Variants in CRTAC1 observed in about 807,000 individuals in gnomAD.
CRTAC1 encodes acidic secreted protein in cartilage.
Under a neutral mutation model 67.8 loss-of-function variants are expected in CRTAC1, and 37 were observed. The observed-to-expected ratio is 0.55, with a 90% CI of 0.42 to 0.72. CRTAC1 has a LOEUF of 0.72. Among genes scored for constraint, CRTAC1 ranks in the 30% least tolerant of loss-of-function variants. The probability of loss-of-function intolerance (pLI) is 0.00; values close to 1 mark genes in which losing one functional copy is unlikely to be tolerated. For synonymous variants in CRTAC1, 348 were observed against 371.0 expected (o/e 0.94, Z 0.71); for missense variants, 780 against 931.6 (o/e 0.84, Z 2.12).
At chr10:97,872,413 T>C (rs1164966256) in intron 14 of CRTAC1, among the ~76,000 whole-genome samples, 2 of 152,188 alleles carry the variant, frequency 1.3e-5, no homozygotes, top group African/African-American at 4.8e-5. Context: ...GATGTTGCCC[T>C]AGCTGTGACA....
intron 2 of CRTAC1, among the ~76,000 whole-genome samples, chr10:97,953,527 T>C (rs1008869629): frequency 1.3e-5 from 2 of 152,174 alleles, no homozygotes; most frequent in Non-Finnish European, 2.9e-5. Flanking sequence ...AATCCAGCCC[T>C]GACCTTGGGA....
At chr10:97,884,398 G>A in intron 11 of CRTAC1, 47 bp from the exon 12 acceptor site, 1 of 1,511,136 alleles carries the variant, frequency 6.6e-7, no homozygotes, top group Non-Finnish European at 9.0e-7. Flanking sequence ...AGAGCAGGAG[G>A]CTCTCAGCGG....
chr10:97,950,246 CAGAGAGAGAGAGAGAG>C lies in CRTAC1; in HGVS notation c.225-13896_225-13881del, dbSNP rs71007371. ...TTGCATGTACGTGCACACACACACA[CAGAGAGAGAGAGAGAG>C]AGAGAGAGAGAGAGAGAGAGAGAGA... is the stretch of plus-strand genomic sequence containing the variant. On this transcript the variant is annotated intron_variant, in intron 2 of 14. Transcript: ENST00000370597. Among the ~76,000 whole-genome samples the C allele has an allele frequency of 1.2e-4, 14 of 113,422 alleles. No individual in the cohort carries two copies. In the South Asian group the frequency reaches 2.6e-3, roughly 21 times the overall value. 74.4% of individuals were successfully genotyped at this position (113,422 alleles called of 152,430 possible).
chr10:97,958,194 C>G (rs768762509), intron 2 of CRTAC1, among the ~76,000 whole-genome samples: 1 of 152,140 alleles, frequency 6.6e-6, no homozygotes, highest in Non-Finnish European at 1.5e-5. Flanking sequence ...CTGGCTCCCT[C>G]AGCCCCAGGG....
chr10:97,929,135 AGCTTACT>A (rs1290224383), intron 3 of CRTAC1, among the ~76,000 whole-genome samples: 1 of 151,898 alleles, frequency 6.6e-6, no homozygotes, highest in Admixed American at 6.5e-5. Context: ...AGGGACACTG[AGCTTACT>A]GGGGGTGAGC....
At chr10:97,998,418 A>C (rs1394746680) in intron 2 of CRTAC1, among the ~76,000 whole-genome samples, 1 of 152,202 alleles carries the variant, frequency 6.6e-6, no homozygotes, top group Non-Finnish European at 1.5e-5. Flanking sequence ...CTGAACGATG[A>C]AAGAGAGAGA....
intron 1 of CRTAC1, among the ~76,000 whole-genome samples, 199 bp from the exon 2 acceptor site, chr10:98,011,536 C>T (rs1842908940): frequency 1.3e-5 from 2 of 151,640 alleles, no homozygotes; most frequent in Non-Finnish European, 2.9e-5. Flanking sequence ...CAACCTGACT[C>T]CATCATGGCT....
At chr10:97,880,562 G>A (rs2050199542) in intron 13 of CRTAC1, among the ~76,000 whole-genome samples, 170 bp from the exon 14 acceptor site, 1 of 152,062 alleles carries the variant, frequency 6.6e-6, no homozygotes, top group South Asian at 2.1e-4. Context: ...GTCTCTACAT[G>A]CTGGGGGCAG....
intron 11 of CRTAC1, among the ~76,000 whole-genome samples, chr10:97,891,892 C>T (rs1028940978): frequency 1.2e-4 from 19 of 152,222 alleles, no homozygotes; most frequent in African/African-American, 4.1e-4. Context: ...CCTGCTGAGG[C>T]GCCTCGTGAC....
At chr10:97,907,051 G>A (rs561056867) in intron 6 of CRTAC1, among the ~76,000 whole-genome samples, 1 of 152,158 alleles carries the variant, frequency 6.6e-6, no homozygotes, top group African/African-American at 2.4e-5. Flanking sequence ...GGTCAGGGGT[G>A]CCTGGGATGC....
chr10:98,030,287 C>T lies in CRTAC1; in HGVS notation c.24+162G>A, dbSNP rs142959581. Among the ~76,000 whole-genome samples, 104 of 152,154 alleles carry T rather than the reference C, an allele frequency of 6.8e-4. No individual in the cohort carries two copies. Among genetic ancestry groups the T allele is most frequent in the Admixed American group, 1.3e-3 (20 of 15,292 alleles). On this transcript the variant is annotated intron_variant, in intron 1 of 14. Coordinates refer to ENST00000370597, the MANE Select transcript of CRTAC1 (RefSeq NM_018058.7). This position sits in a 1 kb window ranked among gnomAD's most constrained non-coding sequence, Gnocchi z 4.2. ...CTCCGCGCGCCAATCGAGTCCAGCG[C>T]CTCCCAGCAAGTTAGGAGCGAAGCC... is the stretch of plus-strand genomic sequence containing the variant.
rs1190965986 is a variant in CRTAC1 at position 97,964,991 on chromosome 10, G to C, written c.225-28625C>G. 2.6e-5 allele frequency among the ~76,000 whole-genome samples: 4 copies of C among 152,162 alleles called. No individual in the cohort carries two copies. In the East Asian group the frequency reaches 5.8e-4, roughly 22 times the overall value. ...ATCACCCCATCACACTTGCCACTGG[G>C]CTGTGCTCTCTCTCTCCTTCTATTC... On this transcript the variant is annotated intron_variant, in intron 2 of 14. Coordinates refer to ENST00000370597, the MANE Select transcript of CRTAC1 (RefSeq NM_018058.7).
chr10:97,872,615 C>T (rs1343740598), intron 14 of CRTAC1, among the ~76,000 whole-genome samples: 2 of 152,198 alleles, frequency 1.3e-5, no homozygotes, highest in Non-Finnish European at 2.9e-5. Context: ...GAGTGAATCA[C>T]TGGCTGGATG....
intron 14 of CRTAC1, chr10:97,879,765 G>A (rs1284204884): frequency 3.2e-6 from 5 of 1,549,996 alleles, no homozygotes; most frequent in Non-Finnish European, 3.5e-6. Context: ...GATTCTAGAG[G>A]CGGCTGAAGA....
chr10:97,991,042 T>C (rs943003847), intron 2 of CRTAC1, among the ~76,000 whole-genome samples: 4 of 143,096 alleles, frequency 2.8e-5, no homozygotes, highest in Admixed American at 2.2e-4. Context: ...AGTGGGAAGA[T>C]TGCTTGAGGC....
At position 97,973,499 on chromosome 10, in the gene CRTAC1, C is replaced by G. The variant is rs1032438573; in HGVS notation, c.225-37133G>C. Reference sequence around the variant, plus strand: ...TGTTTACTTCCTATCCCAAAAGGAGCAGAGCAGCCTCTGCATTTCCAAAGC... The same window carrying G: ...TGTTTACTTCCTATCCCAAAAGGAGGAGAGCAGCCTCTGCATTTCCAAAGC... On this transcript the variant is annotated intron_variant, in intron 2 of 14. Coordinates refer to ENST00000370597, the MANE Select transcript of CRTAC1 (RefSeq NM_018058.7). Among the ~76,000 whole-genome samples the G allele has an allele frequency of 3.2e-4, 49 of 152,054 alleles. 2 individuals are homozygous for G. The highest frequency in any genetic ancestry group is 3.4e-3 in the Middle Eastern group (1 of 294).
At chr10:97,993,662 T>C (rs1028810356) in intron 2 of CRTAC1, among the ~76,000 whole-genome samples, 3 of 152,238 alleles carry the variant, frequency 2.0e-5, no homozygotes, top group Admixed American at 1.3e-4. Context: ...CTAATGTTTA[T>C]TATTTTCATT....
At chr10:97,889,781 G>A (rs1316482499) in intron 11 of CRTAC1, among the ~76,000 whole-genome samples, 1 of 152,182 alleles carries the variant, frequency 6.6e-6, no homozygotes, top group Non-Finnish European at 1.5e-5. Context: ...ATGGAGGCAG[G>A]AAGGGGGCAG....
At chr10:97,979,400 G>A (rs2051856854) in intron 2 of CRTAC1, among the ~76,000 whole-genome samples, 3 of 152,190 alleles carry the variant, frequency 2.0e-5, no homozygotes, top group Admixed American at 1.3e-4. Flanking sequence ...CCTTGTCTTT[G>A]CCCAAGCTCT....
Sources: allele counts gnomAD v4.1 joint callset (sites outside exome capture counted in the v4.1 genomes callset), GRCh38; gene constraint gnomAD v4.1.1; non-coding constraint Gnocchi (gnomAD v3.1); transcripts MANE v1.5; gene names NCBI Gene and HGNC (gene_info 2026-07-23, HGNC 2026-07-21).